Variants in PHTF2 observed in about 807,000 individuals in gnomAD.
The protein encoded by PHTF2 is putative homeodomain transcription factor 2.
In PHTF2, 60 loss-of-function variants were observed where a neutral mutation model predicts 101.2. The observed-to-expected ratio is 0.59, with a 90% CI of 0.48 to 0.73. PHTF2 has a LOEUF of 0.73. Ranked by LOEUF, PHTF2 falls within the 30% of genes least tolerant of loss-of-function variation. The pLI, the probability that PHTF2 is intolerant of heterozygous loss-of-function variation, is 0.00. For synonymous variants in PHTF2, 311 were observed against 307.3 expected, an observed-to-expected ratio of 1.01 and a Z score of -0.13; for missense variants, 747 against 908.7, an observed-to-expected ratio of 0.82 and a Z score of 2.29.
intron 9 of PHTF2, among the ~76,000 whole-genome samples, chr7:77,916,653 C>G (rs1436200256): frequency 1.3e-5 from 2 of 152,082 alleles, no homozygotes; most frequent in Non-Finnish European, 2.9e-5. Context: ...AACCACCCCC[C>G]CACCCAGGAT....
intron 7 of PHTF2, among the ~76,000 whole-genome samples, chr7:77,904,280 G>C (rs955588916): frequency 6.6e-6 from 1 of 152,098 alleles, no homozygotes; most frequent in African/African-American, 2.4e-5. Context: ...CTCCCTTTGC[G>C]TGGGGTAGCC....
At chr7:77,896,225 T>C (rs1204287155) in intron 5 of PHTF2, among the ~76,000 whole-genome samples, 2 of 152,144 alleles carry the variant, frequency 1.3e-5, no homozygotes, top group Admixed American at 1.3e-4. Flanking sequence ...AGCAGTCAAG[T>C]CAGAGCTTTT....
chr7:77,867,273 C>T (rs1460330488), intron 3 of PHTF2, among the ~76,000 whole-genome samples: 1 of 152,082 alleles, frequency 6.6e-6, no homozygotes, highest in Non-Finnish European at 1.5e-5. Context: ...GTAACCCTTC[C>T]CAGACATCTC....
At chr7:77,917,586 GA>G (rs1435206016) in intron 9 of PHTF2, among the ~76,000 whole-genome samples, 1 of 152,232 alleles carries the variant, frequency 6.6e-6, no homozygotes, top group Non-Finnish European at 1.5e-5. Context: ...GTGTCAGTGA[GA>G]AAAATCTGAT....
chr7:77,922,576 G>A (rs150479563), intron 10 of PHTF2, 47 bp from the exon 10 acceptor site: 2 of 1,500,290 alleles, frequency 1.3e-6, no homozygotes, highest in East Asian at 2.3e-5. Context: ...AAGCTAAAAG[G>A]TTGGTTAGAA....
intron 1 of PHTF2, among the ~76,000 whole-genome samples, chr7:77,823,040 G>A (rs2150524841): frequency 6.6e-6 from 1 of 151,502 alleles, no homozygotes; most frequent in South Asian, 2.1e-4. Flanking sequence ...GAGTAGCTGG[G>A]ACTACAGGCG....
At chr7:77,853,536 G>A (rs1208716240) in intron 2 of PHTF2, among the ~76,000 whole-genome samples, 1 of 151,982 alleles carries the variant, frequency 6.6e-6, no homozygotes, top group East Asian at 1.9e-4. Flanking sequence ...TGGGACTACA[G>A]GTGTGCACCA....
chr7:77,865,474 C>T (rs766743307), intron 3 of PHTF2, among the ~76,000 whole-genome samples: 7 of 152,032 alleles, frequency 4.6e-5, no homozygotes, highest in African/African-American at 1.2e-4. Context: ...TTCCACCCAG[C>T]GCAGCCTCCT....
intron 3 of PHTF2, among the ~76,000 whole-genome samples, chr7:77,872,725 G>A (rs1290143588): frequency 6.6e-6 from 1 of 152,124 alleles, no homozygotes; most frequent in African/African-American, 2.4e-5. Context: ...AGTTCACAAG[G>A]CATTGGTCAA....
chr7:77,879,558 CT>C, intron 3 of PHTF2, among the ~76,000 whole-genome samples: 2 of 152,230 alleles, frequency 1.3e-5, no homozygotes, highest in Non-Finnish European at 2.9e-5. Flanking sequence ...TTAAGTTACT[CT>C]TCTGTCACAA....
At chr7:77,903,836 G>C (rs1261953173) in intron 7 of PHTF2, among the ~76,000 whole-genome samples, 1 of 152,218 alleles carries the variant, frequency 6.6e-6, no homozygotes, top group Non-Finnish European at 1.5e-5. Flanking sequence ...GGGTGCTGCA[G>C]TGCTCTGAGT....
chr7:77,902,112 T>C (rs980835505), intron 7 of PHTF2, among the ~76,000 whole-genome samples, 192 bp downstream of exon 6: 1 of 152,202 alleles, frequency 6.6e-6, no homozygotes, highest in African/African-American at 2.4e-5. Flanking sequence ...ATTTTATGAA[T>C]ATTTGAATCT....
chr7:77,956,724 T>G (rs912393048), exon 20 of PHTF2: 5 of 152,558 alleles, frequency 3.3e-5, no homozygotes, highest in Admixed American at 6.6e-5. Context: ...CAAATATATT[T>G]TGAGAAAAAA....
intron 3 of PHTF2, among the ~76,000 whole-genome samples, chr7:77,856,644 A>T (rs767139881): frequency 1.3e-5 from 2 of 152,132 alleles, no homozygotes; most frequent in Non-Finnish European, 2.9e-5. Context: ...AGTATTTTTT[A>T]AAAATGGGTG....
intron 3 of PHTF2, among the ~76,000 whole-genome samples, chr7:77,889,631 A>G (rs1800194528): frequency 8.0e-6 from 1 of 124,676 alleles, no homozygotes; most frequent in Non-Finnish European, 1.6e-5. Flanking sequence ...TTGCTCTGTC[A>G]CTAGGCTGGA....
intron 17 of PHTF2, among the ~76,000 whole-genome samples, chr7:77,950,755 C>T (rs1806467971): frequency 6.6e-6 from 1 of 152,192 alleles, no homozygotes; most frequent in Non-Finnish European, 1.5e-5. Flanking sequence ...CTTCTAATCA[C>T]CTTTCTTTCT....
At chr7:77,883,546 A>G (rs770331015) in intron 3 of PHTF2, among the ~76,000 whole-genome samples, 32 of 152,174 alleles carry the variant, frequency 2.1e-4, no homozygotes, top group Non-Finnish European at 4.4e-4. Flanking sequence ...TGCAAACCAT[A>G]TATTTTTAGC....
At chr7:77,874,795 C>A (rs1383135848) in intron 3 of PHTF2, among the ~76,000 whole-genome samples, 2 of 152,248 alleles carry the variant, frequency 1.3e-5, no homozygotes, top group Non-Finnish European at 2.9e-5. Context: ...TTAACCATCA[C>A]ATATGTGGTA....
intron 3 of PHTF2, among the ~76,000 whole-genome samples, chr7:77,868,680 A>G (rs1341471106): frequency 1.3e-5 from 2 of 152,180 alleles, no homozygotes; most frequent in South Asian, 2.1e-4. Context: ...TTATTTTGAG[A>G]AAAGACAAAT....
Sources: allele counts gnomAD v4.1 joint callset (sites outside exome capture counted in the v4.1 genomes callset), GRCh38; gene constraint gnomAD v4.1.1; transcripts MANE v1.5; gene names NCBI Gene and HGNC (gene_info 2026-07-23, HGNC 2026-07-21).